The following RAI1 variants were observed in gnomAD, a reference collection of about 807,000 sequenced individuals.
The protein encoded by RAI1 is retinoic acid-induced protein 1.
Under a neutral mutation model 123.8 loss-of-function variants are expected in RAI1, and 9 were observed. The ratio of observed to expected loss-of-function variants is 0.07; its 90% CI spans 0.04 to 0.13. RAI1 has a LOEUF of 0.13. RAI1 is among the 10% of genes least tolerant of loss of function. The pLI, the probability that RAI1 is intolerant of heterozygous loss-of-function variation, is 1.00. For missense variants in RAI1, 2,256 were observed against 2,545.8 expected (o/e 0.89, Z 2.45); for synonymous variants, 1,231 against 1,127.3 (o/e 1.09, Z -1.84).
intron 2 of RAI1, among the ~76,000 whole-genome samples, chr17:17,763,633 C>G (rs988027054): frequency 4.6e-5 from 7 of 152,210 alleles, no homozygotes; most frequent in Non-Finnish European, 1.0e-4. Context: ...ATAAAAGAAC[C>G]TGGTGCATTT....
At chr17:17,688,494 T>A (rs1181800947) in intron 1 of RAI1, among the ~76,000 whole-genome samples, 1 of 146,030 alleles carries the variant, frequency 6.8e-6, no homozygotes, top group Non-Finnish European at 1.5e-5. Context: ...CAATGATAAA[T>A]AAATAAACAA....
intron 2 of RAI1, 91 bp downstream of exon 2, chr17:17,724,250 T>A (rs1014827730): frequency 6.6e-6 from 1 of 151,118 alleles, no homozygotes; most frequent in Non-Finnish European, 1.5e-5. Flanking sequence ...CGCGCAGACC[T>A]GCCCGGAGTC....
At chr17:17,710,924 G>A (rs116416943) in intron 1 of RAI1, among the ~76,000 whole-genome samples, 37 of 152,360 alleles carry the variant, frequency 2.4e-4, no homozygotes, top group African/African-American at 8.2e-4. Context: ...GGGCCCCCAT[G>A]TGTCTGTGCG....
At chr17:17,751,580 T>G (rs1301420083) in intron 2 of RAI1, among the ~76,000 whole-genome samples, 1 of 152,238 alleles carries the variant, frequency 6.6e-6, no homozygotes, top group Non-Finnish European at 1.5e-5. Flanking sequence ...TGGCTTGCTC[T>G]GCTGTGTCAC....
chr17:17,735,178 A>T (rs902975852), intron 2 of RAI1, among the ~76,000 whole-genome samples: 8 of 151,678 alleles, frequency 5.3e-5, no homozygotes, highest in African/African-American at 1.9e-4. Flanking sequence ...TCAGCCTCCC[A>T]AGTAGCTGGG....
At chr17:17,768,773 G>A (rs60549849) in intron 2 of RAI1, among the ~76,000 whole-genome samples, 76 of 152,310 alleles carry the variant, frequency 5.0e-4, no homozygotes, top group African/African-American at 1.6e-3. Context: ...GTGCATGGGA[G>A]GGGGAGGAGG....
At chr17:17,691,821 C>T (rs1459281795) in intron 1 of RAI1, among the ~76,000 whole-genome samples, 2 of 152,220 alleles carry the variant, frequency 1.3e-5, no homozygotes, top group Non-Finnish European at 2.9e-5. Context: ...ACCCTAGCCC[C>T]AGGTGCTACC....
intron 2 of RAI1, among the ~76,000 whole-genome samples, chr17:17,784,583 G>A (rs12451589): frequency 0.95 from 143,977 of 152,274 alleles, 68,102 homozygotes; most frequent in East Asian, 1. Context: ...CCCGTGGCTC[G>A]TTGCCCTTAA....
At chr17:17,683,088 C>T (rs1040167249) in intron 1 of RAI1, among the ~76,000 whole-genome samples, 69 of 152,350 alleles carry the variant, frequency 4.5e-4, no homozygotes, top group African/African-American at 1.6e-3. Flanking sequence ...CCTTTTATGT[C>T]TTTCCAATGC....
At chr17:17,754,676 A>G (rs1417678323) in intron 2 of RAI1, among the ~76,000 whole-genome samples, 1 of 152,164 alleles carries the variant, frequency 6.6e-6, no homozygotes, top group Non-Finnish European at 1.5e-5. Context: ...AACAAATAAT[A>G]TCCGACAGCC....
At chr17:17,741,754 G>A (rs775332596) in intron 2 of RAI1, among the ~76,000 whole-genome samples, 3 of 152,258 alleles carry the variant, frequency 2.0e-5, no homozygotes, top group African/African-American at 4.8e-5. Context: ...CTTAAAGCCC[G>A]GGAGTGGGGC....
chr17:17,682,849 C>T (rs1379952575), intron 1 of RAI1, among the ~76,000 whole-genome samples: 1 of 151,724 alleles, frequency 6.6e-6, no homozygotes, highest in Non-Finnish European at 1.5e-5. Context: ...CCCGGGCTGG[C>T]GGGGGCGCGG....
intron 2 of RAI1, among the ~76,000 whole-genome samples, chr17:17,741,836 C>T (rs1286380735): frequency 1.3e-5 from 2 of 152,260 alleles, no homozygotes; most frequent in Admixed American, 6.5e-5. Context: ...GCCAAGCTCA[C>T]GGCCGTTGCT....
At chr17:17,781,856 G>C (rs555523368) in intron 2 of RAI1, among the ~76,000 whole-genome samples, 47 of 152,348 alleles carry the variant, frequency 3.1e-4, no homozygotes, top group African/African-American at 1.1e-3. Flanking sequence ...GCTGCCGGAG[G>C]GTCTGCGTGT....
intron 2 of RAI1, among the ~76,000 whole-genome samples, chr17:17,746,326 C>A (rs571367221): frequency 6.6e-6 from 1 of 152,244 alleles, no homozygotes; most frequent in Non-Finnish European, 1.5e-5. Context: ...TGGGAGCCAA[C>A]GTTATTTTCC....
At chr17:17,725,173 G>A (rs949640989) in intron 2 of RAI1, among the ~76,000 whole-genome samples, 1 of 152,076 alleles carries the variant, frequency 6.6e-6, no homozygotes, top group African/African-American at 2.4e-5. Context: ...GCTTGGGTTC[G>A]CGGCCGGGGG....
At position 17,700,438 on chromosome 17, in the gene RAI1, AG is replaced by A. The variant is rs1245001721; in HGVS notation, c.-149+18646del. Among the ~76,000 whole-genome samples the A allele has an allele frequency of 9.9e-5, 15 of 151,840 alleles. No individual in the cohort carries two copies. The East Asian group carries it at 2.7e-3, about 28-fold the overall frequency. On this transcript the variant is annotated intron_variant, in intron 1 of 5. Transcript: ENST00000353383. ...CCGCCGCCCCTCGGCGTTCGCGCGC[AG>A]CCCCTGCGGGGGTGGCCGCCATCAA...
At chr17:17,681,993 G>C (rs1045291310) in intron 1 of RAI1, among the ~76,000 whole-genome samples, 200 bp downstream of exon 1, 1 of 150,960 alleles carries the variant, frequency 6.6e-6, no homozygotes, top group Non-Finnish European at 1.5e-5. Context: ...CCGGATGGAC[G>C]TCTGGGGAGC....
At chr17:17,769,376 G>C (rs890112433) in intron 2 of RAI1, among the ~76,000 whole-genome samples, 1 of 152,256 alleles carries the variant, frequency 6.6e-6, no homozygotes, top group African/African-American at 2.4e-5. Context: ...GGGACAGCCC[G>C]GGTCGGATCT....
Sources: gnomAD v4.1 joint callset for allele counts (sites outside exome capture counted in the v4.1 genomes callset) on GRCh38, gnomAD v4.1.1 for gene constraint, MANE v1.5 for transcripts, NCBI Gene and HGNC (gene_info 2026-07-23, HGNC 2026-07-21) for gene names.